The following FSIP1 variants were observed in gnomAD, a reference collection of about 807,000 sequenced individuals.
FSIP1 encodes fibrous sheath-interacting protein 1.
A neutral mutation model predicts 60.9 loss-of-function variants in FSIP1; 65 were observed. The observed-to-expected ratio is 1.07, with a 90% CI of 0.87 to 1.31. The LOEUF is 1.31. Ranked by LOEUF, FSIP1 falls within the 40% of genes most tolerant of loss-of-function variation. FSIP1 has a pLI of 0.00. For missense variants in FSIP1, 675 were observed against 665.5 expected, an observed-to-expected ratio of 1.01 and a Z score of -0.16; for synonymous variants, 209 against 221.2, an observed-to-expected ratio of 0.94 and a Z score of 0.49.
At chr15:39,672,023 A>T (rs1337940993) in intron 10 of FSIP1, among the ~76,000 whole-genome samples, 1 of 152,168 alleles carries the variant, frequency 6.6e-6, no homozygotes, top group Admixed American at 6.5e-5. Context: ...GCATCCAGAA[A>T]ATATAGGAAG....
At chr15:39,699,715 C>T (rs975028454) in intron 10 of FSIP1, among the ~76,000 whole-genome samples, 6 of 152,154 alleles carry the variant, frequency 3.9e-5, no homozygotes, top group African/African-American at 1.4e-4. Context: ...GAGTTTCTTC[C>T]TGAGTCATCT....
chr15:39,633,153 C>T lies in FSIP1; in HGVS notation c.1189-14908G>A, dbSNP rs574970379. ...ATCGCCAGGCTGGAGTGCAGTGGTGCGATCTCGGCTCACTACAACCTCCCC... is the reference window on the plus strand; with the variant it reads ...ATCGCCAGGCTGGAGTGCAGTGGTGTGATCTCGGCTCACTACAACCTCCCC... On this transcript the variant is annotated intron_variant, in intron 10 of 11. Coordinates refer to ENST00000350221, the MANE Select transcript of FSIP1 (RefSeq NM_152597.5). Among the ~76,000 whole-genome samples, 374 of 135,946 alleles carry T rather than the reference C, an allele frequency of 2.8e-3. 1 individual carries two copies. Among genetic ancestry groups the T allele is most frequent in the African/African-American group, 9.2e-3 (322 of 35,048 alleles). The allele number at this position is 135,946 out of a possible 152,430, so 89.2% of individuals were successfully genotyped here. A position where few individuals can be genotyped will look rare whatever the true frequency, so the allele number is the denominator to read the frequency against.
At chr15:39,651,468 A>C (rs1228702899) in intron 10 of FSIP1, among the ~76,000 whole-genome samples, 1 of 152,234 alleles carries the variant, frequency 6.6e-6, no homozygotes, top group Non-Finnish European at 1.5e-5. Flanking sequence ...ATGAATGAAA[A>C]GTGCATTATT....
intron 8 of FSIP1, among the ~76,000 whole-genome samples, chr15:39,732,139 A>C (rs905485579): frequency 4.6e-5 from 7 of 152,182 alleles, no homozygotes; most frequent in Non-Finnish European, 1.0e-4. Flanking sequence ...AGTTCACAAC[A>C]GGGTTCGTGC....
chr15:39,769,774 C>T (rs1342266414), intron 3 of FSIP1, among the ~76,000 whole-genome samples: 4 of 152,182 alleles, frequency 2.6e-5, no homozygotes, highest in Non-Finnish European at 5.9e-5. Flanking sequence ...ACTACTAGTA[C>T]ATTTTGGTGC....
At chr15:39,771,597 TGAA>T (rs1897889392) in intron 2 of FSIP1, among the ~76,000 whole-genome samples, 1 of 152,190 alleles carries the variant, frequency 6.6e-6, no homozygotes, top group Non-Finnish European at 1.5e-5. Flanking sequence ...CATCATTTAT[TGAA>T]GAATTACTAT....
rs1313639533 is a variant in FSIP1 at position 39,738,105 on chromosome 15, G to C, written c.877C>G (p.Leu293Val). 5 of 1,608,388 alleles carry C rather than the reference G, an allele frequency of 3.1e-6. No homozygotes were observed. The highest frequency in any genetic ancestry group is 4.3e-6 in the Non-Finnish European group (5 of 1,175,834). The part of the protein sequence containing the change: ...LKDLDEKDSG[L>V]SSSEGDQSGW... ...AGTTTACGTACCTCAGAACTGGAGA[G>C]CCCGGAATCTTTCTCATCCAAGTCC... The change falls in exon 8 of 12, where the codon CTC becomes GTC. Residue 293 changes from leucine to valine, a missense_variant. Transcript: ENST00000350221.
At chr15:39,701,933 C>A (rs1345766396) in intron 10 of FSIP1, among the ~76,000 whole-genome samples, 1 of 152,136 alleles carries the variant, frequency 6.6e-6, no homozygotes, top group Non-Finnish European at 1.5e-5. Context: ...AGAGATTTCC[C>A]TTTCCTTCTA....
chr15:39,743,174 C>T (rs1896861912), intron 5 of FSIP1, among the ~76,000 whole-genome samples: 1 of 152,076 alleles, frequency 6.6e-6, no homozygotes, highest in Non-Finnish European at 1.5e-5. Flanking sequence ...TGTAAAGACA[C>T]AAAAATATGA....
At chr15:39,763,602 C>T (rs1274982705) in intron 5 of FSIP1, among the ~76,000 whole-genome samples, 1 of 152,152 alleles carries the variant, frequency 6.6e-6, no homozygotes, top group Non-Finnish European at 1.5e-5. Context: ...GCCCTGTCCC[C>T]CTTACCATCA....
At chr15:39,724,269 T>C (rs1223924727) in intron 9 of FSIP1, among the ~76,000 whole-genome samples, 2 of 151,792 alleles carry the variant, frequency 1.3e-5, no homozygotes, top group African/African-American at 4.8e-5. Flanking sequence ...TTTTTTTTTT[T>C]TGAGACGGAG....
At chr15:39,737,004 G>A (rs1473590691) in intron 8 of FSIP1, among the ~76,000 whole-genome samples, 6 of 152,160 alleles carry the variant, frequency 3.9e-5, no homozygotes, top group Admixed American at 1.3e-4. Flanking sequence ...GGGCTGGGGC[G>A]TGGATGCACA....
intron 5 of FSIP1, among the ~76,000 whole-genome samples, chr15:39,743,210 C>CA (rs1896863190): frequency 6.6e-6 from 1 of 152,144 alleles, no homozygotes; most frequent in Non-Finnish European, 1.5e-5. Flanking sequence ...AAAACCCTCA[C>CA]AGGTGATCAG....
rs869063502 is a variant in FSIP1 at position 39,633,091 on chromosome 15, C to CTTTTTTTTTTTTTTTTT, written c.1189-14863_1189-14847dup. 8.6e-4 allele frequency among the ~76,000 whole-genome samples: 97 copies of CTTTTTTTTTTTTTTTTT among 112,882 alleles called. 6 individuals carry two copies. Among genetic ancestry groups the CTTTTTTTTTTTTTTTTT allele is most frequent in the African/African-American group, 3.5e-3 (94 of 27,102 alleles). The allele number at this position is 112,882 out of a possible 152,430, so 74.1% of individuals were successfully genotyped here. On this transcript the variant is annotated intron_variant, in intron 10 of 11. Transcript: ENST00000350221. ...AATCTTCCCCACATAGGCTATACTTCTTTTTTTTTTTTTTTTTTTTGAGAT... is the reference window on the plus strand; with the variant it reads ...AATCTTCCCCACATAGGCTATACTTCTTTTTTTTTTTTTTTTTTTTTTTTTTTTTTTTTTTTTGAGAT...
intron 10 of FSIP1, among the ~76,000 whole-genome samples, chr15:39,632,461 G>A (rs1036486716): frequency 6.6e-6 from 1 of 152,144 alleles, no homozygotes; most frequent in South Asian, 2.1e-4. Flanking sequence ...TTACAGGCGT[G>A]AGCCACTGCG....
At chr15:39,615,969 A>T (rs1477612109) in intron 11 of FSIP1, among the ~76,000 whole-genome samples, 2 of 143,660 alleles carry the variant, frequency 1.4e-5, no homozygotes, top group African/African-American at 5.5e-5. Context: ...CCACAAAAAA[A>T]TGGTAAGTGA....
intron 10 of FSIP1, among the ~76,000 whole-genome samples, chr15:39,645,971 G>A (rs1000082862): frequency 8.5e-5 from 13 of 152,208 alleles, no homozygotes; most frequent in Admixed American, 7.2e-4. Context: ...TCCTGTGGAC[G>A]GGAGAGGAGA....
intron 5 of FSIP1, among the ~76,000 whole-genome samples, chr15:39,744,335 T>C (rs951859854): frequency 1.3e-5 from 2 of 152,064 alleles, no homozygotes; most frequent in South Asian, 2.1e-4. Context: ...ACATTGATGA[T>C]TGAGCAAGTT....
chr15:39,744,454 G>T (rs555480358), intron 5 of FSIP1, among the ~76,000 whole-genome samples: 4 of 152,276 alleles, frequency 2.6e-5, no homozygotes, highest in African/African-American at 9.6e-5. Context: ...AGAGGACCTG[G>T]AAGACCAGCA....
Sources: allele counts gnomAD v4.1 joint callset (sites outside exome capture counted in the v4.1 genomes callset), GRCh38; gene constraint gnomAD v4.1.1; transcripts MANE v1.5; gene names NCBI Gene and HGNC (gene_info 2026-07-23, HGNC 2026-07-21).